The following ANAPC1 variants were observed in gnomAD, a reference collection of about 807,000 sequenced individuals.
ANAPC1 encodes the protein anaphase promoting complex subunit 1, also known as anaphase-promoting complex subunit 1.
ANAPC1 carries 36 observed loss-of-function variants against 208.0 expected under a neutral mutation model. The observed-to-expected ratio is 0.17, with a 90% CI of 0.13 to 0.23. The LOEUF is 0.23. Ranked by LOEUF, ANAPC1 falls within the 10% of genes least tolerant of loss-of-function variation. The pLI is 1.00. For synonymous variants in ANAPC1, 378 were observed against 695.2 expected, an observed-to-expected ratio of 0.54 and a Z score of 7.18; for missense variants, 942 against 2,011.6, an observed-to-expected ratio of 0.47 and a Z score of 10.17.
rs1366967987 is a variant in ANAPC1, at chr2:111,867,858, G to A, written c.685+165C>T. Reference sequence around the variant, plus strand: ...CCTTATTTTTACTAAAATAACTGTTGAGCAGTTAATACCATGATATTCAAG... The same window carrying A: ...CCTTATTTTTACTAAAATAACTGTTAAGCAGTTAATACCATGATATTCAAG... On this transcript the variant is annotated intron_variant, in intron 7 of 47. Coordinates refer to ENST00000341068, the MANE Select transcript of ANAPC1 (RefSeq NM_022662.4). The A allele has an allele frequency of 5.3e-5, 25 of 471,262 alleles. No homozygotes were observed. The East Asian group carries it at 8.3e-4, about 16-fold the overall frequency. 29.2% of individuals were successfully genotyped at this position (471,262 alleles called of 1,614,324 possible).
At chr2:111,850,252 A>C (rs928706805) in intron 14 of ANAPC1, among the ~76,000 whole-genome samples, 1 of 149,186 alleles carries the variant, frequency 6.7e-6, no homozygotes, top group African/African-American at 2.5e-5. Context: ...CCACTAAAAA[A>C]TGTTCCACAT....
intron 34 of ANAPC1, among the ~76,000 whole-genome samples, chr2:111,795,891 GAGAAGATTTCTT>G (rs1337145712): frequency 1.3e-5 from 2 of 149,448 alleles, no homozygotes; most frequent in South Asian, 2.2e-4. Context: ...TTAATCTTCT[GAGAAGATTTCTT>G]AGAAGATTTC....
chr2:111,867,392 T>G (rs1246668780), intron 7 of ANAPC1, among the ~76,000 whole-genome samples: 1 of 150,612 alleles, frequency 6.6e-6, no homozygotes, highest in African/African-American at 2.4e-5. Context: ...CAAGACATAA[T>G]ACAGAAGATA....
chr2:111,874,517 T>C (rs558198544), intron 3 of ANAPC1, among the ~76,000 whole-genome samples: 1 of 83,896 alleles, frequency 1.2e-5, no homozygotes, highest in Non-Finnish European at 2.6e-5. Context: ...TAAGTGAAAC[T>C]GTACATTTGT....
Position 111,878,855 on chromosome 2 carries a change from T to C in ANAPC1, c.330A>G (p.Ala110=). The C allele has an allele frequency of 6.2e-7, 1 of 1,607,934 alleles. No individual in the cohort carries two copies. Among genetic ancestry groups the C allele is most frequent in the Non-Finnish European group, 8.5e-7 (1 of 1,177,948 alleles). ...CTGTAAATGCTTTATAAACTGCCAA[T>C]GCCTGGCTTTTACTTCCTTTGCTCC... ...VIWSKGSKSQ[A]LAVYKAFTVD... is the part of the protein sequence containing the mutation. The change falls in exon 3 of 48, where the codon GCA becomes GCG. Residue 110 remains alanine (A), a synonymous_variant. Coordinates refer to ENST00000341068, the MANE Select transcript of ANAPC1 (RefSeq NM_022662.4).
intron 7 of ANAPC1, 65 bp from the exon 8 acceptor site, chr2:111,865,016 C>T: frequency 6.7e-7 from 1 of 1,501,544 alleles, no homozygotes; most frequent in Non-Finnish European, 8.9e-7. Context: ...TATTTATGAA[C>T]AGAGCTCTTA....
chr2:111,872,810 T>C (rs985076055), intron 5 of ANAPC1, 98 bp from the exon 6 acceptor site: 3 of 755,366 alleles, frequency 4.0e-6, no homozygotes, highest in Non-Finnish European at 6.7e-6. Context: ...TTTTCCAATT[T>C]AGTAATAGCT....
At chr2:111,774,097 G>T (rs1304211716) in intron 46 of ANAPC1, among the ~76,000 whole-genome samples, 1 of 152,152 alleles carries the variant, frequency 6.6e-6, no homozygotes, top group African/African-American at 2.4e-5. Context: ...ACAAATTCAA[G>T]AAATATCTAT....
At position 111,880,832 on chromosome 2, in the gene ANAPC1, C is replaced by T. The variant is rs201692868; in HGVS notation, c.-7G>A. The T allele has an allele frequency of 2.0e-5, 33 of 1,613,344 alleles. No homozygotes were observed. Among genetic ancestry groups the T allele is most frequent in the Non-Finnish European group, 2.6e-5 (31 of 1,179,692 alleles). On this transcript the variant is annotated 5_prime_UTR_variant, in exon 2 of 48. Transcript: ENST00000341068. The stretch of plus-strand genomic sequence containing the variant: ...CTTCATAGAAGTTCGACATGGGTTC[C>T]AAATATCAACATTATTTCTGTATGA...
chr2:111,883,849 C>A (rs1005748520), intron 1 of ANAPC1, 93 bp downstream of exon 1: 1 of 152,384 alleles, frequency 6.6e-6, no homozygotes, highest in African/African-American at 2.4e-5. Context: ...GTTTCCAGAC[C>A]TACGGCCACC....
intron 3 of ANAPC1, among the ~76,000 whole-genome samples, chr2:111,874,788 TG>T (rs1003640415): frequency 6.6e-6 from 1 of 152,234 alleles, no homozygotes; most frequent in African/African-American, 2.4e-5. Flanking sequence ...TACCTAGAAC[TG>T]GAACTGCTGG....
intron 23 of ANAPC1, 34 bp from the exon 24 acceptor site, chr2:111,825,070 G>A (rs759971512): frequency 6.2e-7 from 1 of 1,613,738 alleles, no homozygotes. Context: ...TTATTAAGCA[G>A]AACAGTAAAT....
chr2:111,841,080 A>G (rs1680735324), intron 17 of ANAPC1, among the ~76,000 whole-genome samples: 2 of 152,212 alleles, frequency 1.3e-5, no homozygotes, highest in East Asian at 1.9e-4. Context: ...CTATTTTCCC[A>G]TAAGATTTCT....
rs1388492425 is a variant in ANAPC1, at chr2:111,792,679, ACT to A, written c.4519-126_4519-125del. 7.4e-4 allele frequency: 495 copies of A among 667,394 alleles called. 1 individual carries two copies. Among genetic ancestry groups the A allele is most frequent in the Non-Finnish European group, 9.9e-4 (391 of 396,726 alleles). The allele number at this position is 667,394 out of a possible 1,614,324, so 41.3% of individuals were successfully genotyped here. On this transcript the variant is annotated intron_variant, in intron 37 of 47. Transcript: ENST00000341068. The stretch of plus-strand genomic sequence containing the variant: ...ACTTAAAAAAAAATCTGGGCTGGGC[ACT>A]GTGGCTCACGCCTGTAATCCCAGCA...
intron 44 of ANAPC1, chr2:111,779,930 G>T: frequency 3.6e-6 from 1 of 275,762 alleles, no homozygotes. Context: ...ACAATAAAAA[G>T]CAGGGTTATA....
At chr2:111,878,735 G>T (rs1683146464) in intron 3 of ANAPC1, 75 bp downstream of exon 3, 59 of 1,586,892 alleles carry the variant, frequency 3.7e-5, no homozygotes, top group Non-Finnish European at 5.0e-5. Context: ...TATCATTTCT[G>T]TTAAATTTTA....
At chr2:111,857,773 T>C (rs3908054) in intron 11 of ANAPC1, among the ~76,000 whole-genome samples, 2 of 152,156 alleles carry the variant, frequency 1.3e-5, no homozygotes, top group Admixed American at 1.3e-4. Flanking sequence ...TAATTCTCAG[T>C]AGTCAAGAGG....
chr2:111,880,049 A>T (rs1240160985), intron 2 of ANAPC1, among the ~76,000 whole-genome samples: 3 of 152,158 alleles, frequency 2.0e-5, no homozygotes, highest in African/African-American at 7.2e-5. Flanking sequence ...AATGGACAAC[A>T]ATCATACTAC....
At chr2:111,870,090 T>C (rs1573508893) in intron 6 of ANAPC1, among the ~76,000 whole-genome samples, 1 of 152,374 alleles carries the variant, frequency 6.6e-6, no homozygotes, top group East Asian at 1.9e-4. Context: ...ATGGTGTATA[T>C]ATACATTTTC....
Sources: allele counts gnomAD v4.1 joint callset (sites outside exome capture counted in the v4.1 genomes callset), GRCh38; gene constraint gnomAD v4.1.1; transcripts MANE v1.5; gene names NCBI Gene and HGNC (gene_info 2026-07-23, HGNC 2026-07-21).